Variants in GARNL3 observed in about 807,000 individuals in gnomAD.
The protein encoded by GARNL3 is GTPase activating Rap/RanGAP domain like 3.
GARNL3 carries 63 observed loss-of-function variants against 125.0 expected under a neutral mutation model. The ratio of observed to expected loss-of-function variants is 0.50; its 90% CI spans 0.41 to 0.62. GARNL3 has a LOEUF of 0.62. Among genes scored for constraint, GARNL3 ranks in the 20% least tolerant of loss-of-function variants. The pLI, the probability that GARNL3 is intolerant of heterozygous loss-of-function variation, is 0.00. For synonymous variants in GARNL3, 439 were observed against 457.5 expected (o/e 0.96, Z 0.52); for missense variants, 994 against 1,244.0 (o/e 0.80, Z 3.02).
chr9:127,323,638 GGCGTGGGTGTT>G (rs1241983971), intron 6 of GARNL3, among the ~76,000 whole-genome samples: 5 of 152,160 alleles, frequency 3.3e-5, no homozygotes, highest in Non-Finnish European at 5.9e-5. Flanking sequence ...AAGGAGCACT[GGCGTGGGTGTT>G]AAAAGGACTG....
chr9:127,317,501 G>C (rs1305515263), intron 4 of GARNL3, among the ~76,000 whole-genome samples: 1 of 152,016 alleles, frequency 6.6e-6, no homozygotes, highest in Non-Finnish European at 1.5e-5. Flanking sequence ...GAGACAGGCA[G>C]ATCACTTGAG....
At chr9:127,314,595 G>A (rs986101186) in intron 4 of GARNL3, among the ~76,000 whole-genome samples, 1 of 151,228 alleles carries the variant, frequency 6.6e-6, no homozygotes, top group Non-Finnish European at 1.5e-5. Flanking sequence ...GAGAGGGTGG[G>A]TTTCCCCCTT....
chr9:127,264,388 A>T (rs368973730), upstream of GARNL3: 7 of 400,800 alleles, frequency 1.7e-5, no homozygotes, highest in Admixed American at 1.3e-4. Context: ...ATTTTCTGTT[A>T]GTTCTGGTCT....
At chr9:127,246,559 AC>A (rs1227193458) in intron 2 of GARNL3, among the ~76,000 whole-genome samples, 1 of 152,172 alleles carries the variant, frequency 6.6e-6, no homozygotes, top group East Asian at 1.9e-4. Flanking sequence ...TAATCCCAGG[AC>A]TTTGAGAGGC....
At chr9:127,357,075 G>T in intron 20 of GARNL3, 144 bp from the exon 21 acceptor site, 1 of 727,350 alleles carries the variant, frequency 1.4e-6, no homozygotes. Flanking sequence ...CTCCTCTCTT[G>T]TCCCTTCTTC....
chr9:127,339,124 C>A (rs10987597), intron 12 of GARNL3, among the ~76,000 whole-genome samples: 2 of 151,680 alleles, frequency 1.3e-5, no homozygotes, highest in Non-Finnish European at 2.9e-5. Flanking sequence ...GATGAAACCC[C>A]GTCTGTACTA....
rs1269717414 is a variant in GARNL3, at chr9:127,249,393, G to A, written c.143+6144G>A. 7.2e-5 allele frequency among the ~76,000 whole-genome samples: 11 copies of A among 151,800 alleles called. No individual in the cohort carries two copies. The East Asian group carries it at 1.8e-3, about 24-fold the overall frequency. ...GAGCCCAGGAGTTCAAGACCAGCCC[G>A]GGCAACATGATGAAACCCCTTCTCT... On this transcript the variant is annotated intron_variant, in intron 2 of 10. Coordinates refer to the GARNL3 transcript ENST00000439286.
intron 22 of GARNL3, among the ~76,000 whole-genome samples, chr9:127,368,806 G>A (rs917557050): frequency 5.9e-5 from 9 of 151,952 alleles, no homozygotes; most frequent in Non-Finnish European, 7.4e-5. Context: ...GTGGTGGTGC[G>A]CGCCTGTAGT....
chr9:127,243,675 C>T (rs1296383156), intron 2 of GARNL3, among the ~76,000 whole-genome samples: 1 of 152,156 alleles, frequency 6.6e-6, no homozygotes, highest in Non-Finnish European at 1.5e-5. Flanking sequence ...ATTTTACCTA[C>T]CTTTTGAATA....
chr9:127,232,454 T>C (rs1334497434), intron 1 of GARNL3, among the ~76,000 whole-genome samples: 4 of 152,232 alleles, frequency 2.6e-5, no homozygotes, highest in Middle Eastern at 3.4e-3. Context: ...ACTACAGGTA[T>C]GCACAACTAC....
intron 17 of GARNL3, among the ~76,000 whole-genome samples, chr9:127,349,501 A>G (rs1389048900): frequency 1.3e-5 from 2 of 152,234 alleles, no homozygotes; most frequent in African/African-American, 4.8e-5. Flanking sequence ...TGATGGATAT[A>G]GAAACAAAAA....
At chr9:127,282,141 A>C (rs7874931) in intron 1 of GARNL3, among the ~76,000 whole-genome samples, 1,919 of 152,272 alleles carry the variant, frequency 0.013, 43 homozygotes, top group African/African-American at 0.045. Flanking sequence ...TAGGATTTGC[A>C]GTCCTCTAGG....
intron 2 of GARNL3, among the ~76,000 whole-genome samples, chr9:127,253,225 A>G (rs1004141308): frequency 3.9e-5 from 6 of 152,020 alleles, no homozygotes; most frequent in African/African-American, 1.5e-4. Context: ...CACTACCCCA[A>G]TATAGCTGGC....
At chr9:127,327,178 A>G (rs1339216448) in intron 7 of GARNL3, among the ~76,000 whole-genome samples, 1 of 152,234 alleles carries the variant, frequency 6.6e-6, no homozygotes, top group Non-Finnish European at 1.5e-5. Flanking sequence ...TTGAGCTCCT[A>G]CCGTGCATGT....
At chr9:127,305,595 C>T (rs1380199657) in intron 2 of GARNL3, among the ~76,000 whole-genome samples, 1 of 151,530 alleles carries the variant, frequency 6.6e-6, no homozygotes, top group Admixed American at 6.6e-5. Flanking sequence ...TCTTAAGAAA[C>T]AGGGTCTTGC....
chr9:127,373,756 G>T (rs1831731819), intron 22 of GARNL3, among the ~76,000 whole-genome samples: 1 of 152,236 alleles, frequency 6.6e-6, no homozygotes, highest in Non-Finnish European at 1.5e-5. Context: ...GGGCGCGATG[G>T]CTCATGCCTG....
intron 1 of GARNL3, among the ~76,000 whole-genome samples, chr9:127,270,462 C>A (rs1240003330): frequency 6.6e-6 from 1 of 152,224 alleles, no homozygotes; most frequent in Non-Finnish European, 1.5e-5. Context: ...GCCGCTTCCT[C>A]ACTGTGGCTC....
intron 22 of GARNL3, among the ~76,000 whole-genome samples, chr9:127,375,928 A>T (rs1291265986): frequency 1.3e-5 from 2 of 152,168 alleles, no homozygotes; most frequent in Non-Finnish European, 2.9e-5. Context: ...ACCCAAGTCA[A>T]GCCTTCTGAT....
chr9:127,247,045 C>T (rs117083786), intron 2 of GARNL3, among the ~76,000 whole-genome samples: 3,418 of 148,670 alleles, frequency 0.023, 63 homozygotes, highest in Middle Eastern at 0.042. Context: ...ACTCTTTCAG[C>T]GCATTTTTGA....
Sources: allele counts gnomAD v4.1 joint callset (sites outside exome capture counted in the v4.1 genomes callset), GRCh38; gene constraint gnomAD v4.1.1; transcripts MANE v1.5; gene names NCBI Gene and HGNC (gene_info 2026-07-23, HGNC 2026-07-21).